Variants in AXDND1 observed in about 807,000 individuals in gnomAD.
The protein encoded by AXDND1 is axonemal dynein light chain domain containing 1.
Under a neutral mutation model 137.5 loss-of-function variants are expected in AXDND1, and 110 were observed. The observed-to-expected ratio is 0.80, with a 90% CI of 0.69 to 0.94. AXDND1 has a LOEUF of 0.94. Ranked by LOEUF, AXDND1 falls within the 40% of genes least tolerant of loss-of-function variation. The pLI is 0.00. For synonymous variants in AXDND1, 414 were observed against 399.7 expected (o/e 1.04, Z -0.43); for missense variants, 1,191 against 1,169.8 (o/e 1.02, Z -0.26).
At chr1:179,383,676 T>C in intron 8 of AXDND1, 132 bp downstream of exon 8, 1 of 627,366 alleles carries the variant, frequency 1.6e-6, no homozygotes, top group Non-Finnish European at 2.8e-6. Flanking sequence ...TATTTGTACC[T>C]CAGTTTCCTC....
At chr1:179,379,550 T>C (rs910857734) in intron 6 of AXDND1, 68 bp downstream of exon 6, 4 of 1,567,970 alleles carry the variant, frequency 2.6e-6, no homozygotes, top group Non-Finnish European at 3.5e-6. Context: ...TCCCAGCACT[T>C]TGCGAGGCCA....
At chr1:179,387,654 T>A (rs1227899134) in intron 9 of AXDND1, among the ~76,000 whole-genome samples, 2 of 152,206 alleles carry the variant, frequency 1.3e-5, no homozygotes, top group Admixed American at 6.5e-5. Flanking sequence ...TTAAGTTATT[T>A]AAAAAAATTT....
chr1:179,376,905 A>G (rs1423209254), intron 4 of AXDND1, among the ~76,000 whole-genome samples: 1 of 151,798 alleles, frequency 6.6e-6, no homozygotes. Context: ...CAATCCTATA[A>G]CCCAGGGCAC....
chr1:179,530,650 CAAAAG>C (rs57694417), intron 23 of AXDND1, among the ~76,000 whole-genome samples: 48,197 of 151,828 alleles, frequency 0.32, 8,263 homozygotes, highest in Middle Eastern at 0.43. Flanking sequence ...AGTCCATGTT[CAAAAG>C]TCTAAGCTTT....
intron 20 of AXDND1, among the ~76,000 whole-genome samples, chr1:179,502,440 G>A (rs142064175): frequency 0.024 from 3,579 of 151,352 alleles, 124 homozygotes; most frequent in African/African-American, 0.08. Context: ...GGCACGCACC[G>A]GCAGTCCCAG....
At position 179,538,102 on chromosome 1, in the gene AXDND1, G is replaced by T. The variant is rs1671740533; in HGVS notation, c.3031+3140G>T. Among the ~76,000 whole-genome samples, 5 of 151,842 alleles carry T rather than the reference G, an allele frequency of 3.3e-5. No homozygotes were observed. The South Asian group carries it at 1.0e-3, about 32-fold the overall frequency. On this transcript the variant is annotated intron_variant, in intron 25 of 25. Coordinates refer to ENST00000367618, the MANE Select transcript of AXDND1 (RefSeq NM_144696.6). ...CTCTCTTTTCTTCTTTATTAGTCTT[G>T]CTAGCGGTCTATCTATTTTGTTAAT... is the stretch of plus-strand genomic sequence containing the variant.
chr1:179,375,014 A>G (rs1668444995), intron 4 of AXDND1, among the ~76,000 whole-genome samples: 1 of 151,922 alleles, frequency 6.6e-6, no homozygotes, highest in South Asian at 2.1e-4. Context: ...TATTTTTAAA[A>G]ATTAAAAAAA....
intron 9 of AXDND1, among the ~76,000 whole-genome samples, chr1:179,393,480 A>AT (rs55750883): frequency 2.3e-4 from 34 of 148,936 alleles, no homozygotes; most frequent in African/African-American, 6.4e-4. Context: ...GAATTTTAGG[A>AT]TTTTTTTTTT....
chr1:179,384,767 ATTT>A (rs549019209), intron 8 of AXDND1, among the ~76,000 whole-genome samples: 2 of 141,284 alleles, frequency 1.4e-5, no homozygotes, highest in Non-Finnish European at 1.6e-5. Flanking sequence ...AGAGGCACCA[ATTT>A]TTTTTTTTTT....
chr1:179,552,125 C>T (rs7518557), intron 25 of AXDND1: 155,502 of 170,028 alleles, frequency 0.91, 71,215 homozygotes, highest in East Asian at 0.96. Flanking sequence ...ACATCTTTGC[C>T]TCTTGCTGTC....
intron 15 of AXDND1, among the ~76,000 whole-genome samples, chr1:179,442,332 TAAG>T (rs1023307542): frequency 6.6e-5 from 10 of 152,116 alleles, no homozygotes; most frequent in East Asian, 3.9e-4. Context: ...TGCAGAATAA[TAAG>T]GAGATAATGG....
At chr1:179,421,050 TTCCTTC>T (rs1655614366) in intron 12 of AXDND1, among the ~76,000 whole-genome samples, 1 of 98,510 alleles carries the variant, frequency 1.0e-5, no homozygotes. Flanking sequence ...CCTTCCTTCC[TTCCTTC>T]CTTCCTTCCT....
At chr1:179,520,593 T>G (rs1669959713) in intron 21 of AXDND1, among the ~76,000 whole-genome samples, 1 of 152,052 alleles carries the variant, frequency 6.6e-6, no homozygotes, top group Admixed American at 6.6e-5. Context: ...CTATATAACT[T>G]TATAAGCTAG....
Position 179,368,826 on chromosome 1 carries a change from A to G in AXDND1, c.124A>G (p.Asn42Asp). The G allele has an allele frequency of 6.2e-7, 1 of 1,612,340 alleles. No homozygotes were observed. The highest frequency in any genetic ancestry group is 1.1e-5 in the South Asian group (1 of 90,832). Residue 42 changes from asparagine (N) to aspartate (D), a missense_variant, in exon 3 of 26, where the codon AAT (asparagine) becomes GAT (aspartate). Transcript: ENST00000367618. ...ACTTCCTGAGCTAAAGGAGAAAAAA[A>G]ATATGGTGGATCGTTCAAAACTCCT... Reference protein sequence around the residue: ...RGLPELKEKKNMVDRSKLLPT... With the variant: ...RGLPELKEKKDMVDRSKLLPT...
In AXDND1 at chr1:179,445,305, T is replaced by C. The variant is rs1571864756; in HGVS notation, c.1798+101T>C. 3 of 938,914 alleles carry C rather than the reference T, an allele frequency of 3.2e-6. No homozygotes were observed. The East Asian group carries it at 8.2e-5, about 26-fold the overall frequency. 58.2% of individuals were successfully genotyped at this position (938,914 alleles called of 1,614,324 possible). On this transcript the variant is annotated intron_variant, in intron 16 of 25. Coordinates refer to ENST00000367618, the MANE Select transcript of AXDND1 (RefSeq NM_144696.6). Reference sequence around the variant, plus strand: ...ATTTAAAATAAAAGTAATAAATCCATATAGTTTTAAAAACCAAGCAAAATA... The same window carrying C: ...ATTTAAAATAAAAGTAATAAATCCACATAGTTTTAAAAACCAAGCAAAATA...
Position 179,382,723 on chromosome 1 carries a change from A to G in AXDND1, c.605A>G (p.Asp202Gly), listed in dbSNP as rs1648577146. ...AGCAAATACACTACTCTCCTCACAGATAGTGAAAACAGGCTATTGCTCTTC... is the reference window on the plus strand; with the variant it reads ...AGCAAATACACTACTCTCCTCACAGGTAGTGAAAACAGGCTATTGCTCTTC... ...YDDKYTTLLT[D>G]SENRLLLFPS... is the part of the protein sequence containing the mutation. Residue 202 changes from aspartate (D) to glycine (G), a missense_variant, in exon 7 of 26, where the codon GAT becomes GGT. Asp to Gly is a moderately conservative substitution (Grantham distance 94). Coordinates refer to ENST00000367618, the MANE Select transcript of AXDND1 (RefSeq NM_144696.6). 9 of 1,604,116 alleles carry G rather than the reference A, an allele frequency of 5.6e-6. 1 individual carries two copies. The South Asian group carries it at 6.6e-5, about 12-fold the overall frequency.
At chr1:179,524,201 A>G (rs981525915) in intron 21 of AXDND1, among the ~76,000 whole-genome samples, 2 of 152,158 alleles carry the variant, frequency 1.3e-5, no homozygotes, top group African/African-American at 4.8e-5. Flanking sequence ...CTCTGGGTAG[A>G]TACCCAGGAG....
chr1:179,516,062 A>G (rs1024876882), intron 21 of AXDND1, among the ~76,000 whole-genome samples: 1 of 152,160 alleles, frequency 6.6e-6, no homozygotes, highest in Non-Finnish European at 1.5e-5. Flanking sequence ...CTCCATTTGT[A>G]TAAGTACACT....
At chr1:179,373,342 G>T (rs945811599) in intron 4 of AXDND1, among the ~76,000 whole-genome samples, 1 of 152,110 alleles carries the variant, frequency 6.6e-6, no homozygotes, top group African/African-American at 2.4e-5. Flanking sequence ...CAAACAAATG[G>T]AAGAATATTC....
Sources: allele counts gnomAD v4.1 joint callset (sites outside exome capture counted in the v4.1 genomes callset), GRCh38; gene constraint gnomAD v4.1.1; transcripts MANE v1.5; gene names NCBI Gene and HGNC (gene_info 2026-07-23, HGNC 2026-07-21).